Variants in SPAG16 observed in about 807,000 individuals in gnomAD.
SPAG16 encodes sperm associated antigen 16.
A neutral mutation model predicts 80.4 loss-of-function variants in SPAG16; 86 were observed. The ratio of observed to expected loss-of-function variants is 1.07; its 90% confidence interval spans 0.90 to 1.28. The LOEUF (loss-of-function observed/expected upper bound fraction) is 1.28. Among genes scored for constraint, SPAG16 ranks in the 50% most tolerant of loss-of-function variants. The pLI is 0.00. For missense variants in SPAG16, 870 were observed against 765.3 expected (o/e 1.14, Z -1.61); for synonymous variants, 294 against 265.9 (o/e 1.11, Z -1.03).
intron 10 of SPAG16, among the ~76,000 whole-genome samples, chr2:213,833,806 C>T (rs2073932978): frequency 6.7e-6 from 1 of 150,026 alleles, no homozygotes; most frequent in South Asian, 2.1e-4. Flanking sequence ...TCCTCTGTCT[C>T]TTCATAGTAA....
chr2:213,402,854 C>G (rs1038584072), intron 9 of SPAG16, among the ~76,000 whole-genome samples: 1 of 152,156 alleles, frequency 6.6e-6, no homozygotes, highest in East Asian at 1.9e-4. Flanking sequence ...GGTTCCAAGT[C>G]TTTGCTATTG....
At position 214,107,397 on chromosome 2, in the gene SPAG16, C is replaced by G. The variant is rs564035192; in HGVS notation, c.1528-799C>G. On this transcript the variant is annotated intron_variant, in intron 13 of 15. Transcript: ENST00000331683. ...TTTCCAAGCACATAGCAAGACTCTC[C>G]AAGCAATAGTCCACATATGACTTTC... 3.3e-5 allele frequency among the ~76,000 whole-genome samples: 5 copies of G among 152,238 alleles called. No homozygotes were observed. In the South Asian group the frequency reaches 1.0e-3, roughly 32 times the overall value.
At chr2:213,467,122 G>A (rs1173325054) in intron 9 of SPAG16, among the ~76,000 whole-genome samples, 1 of 152,132 alleles carries the variant, frequency 6.6e-6, no homozygotes, top group African/African-American at 2.4e-5. Flanking sequence ...TCCCAATATT[G>A]GGGTATTACA....
At chr2:213,921,864 C>T (rs2078239439) in intron 11 of SPAG16, among the ~76,000 whole-genome samples, 1 of 152,174 alleles carries the variant, frequency 6.6e-6, no homozygotes, top group Admixed American at 6.5e-5. Flanking sequence ...CACTCAATGT[C>T]TTCTGGCTTG....
At chr2:213,302,416 G>C (rs2062773135) in intron 3 of SPAG16, 1 of 152,088 alleles carries the variant, frequency 6.6e-6, no homozygotes, top group Non-Finnish European at 1.5e-5. Flanking sequence ...ATCAAAATTT[G>C]TAACAAAAGA....
chr2:213,782,173 G>C (rs12476541), intron 10 of SPAG16, among the ~76,000 whole-genome samples: 37,633 of 145,494 alleles, frequency 0.26, 5,402 homozygotes, highest in South Asian at 0.38. Flanking sequence ...AACTGTAATA[G>C]TCTTCAGTTT....
chr2:213,683,814 T>C (rs1455052550), intron 10 of SPAG16, among the ~76,000 whole-genome samples: 1 of 152,232 alleles, frequency 6.6e-6, no homozygotes, highest in Admixed American at 6.5e-5. Flanking sequence ...ACTAGGCCAG[T>C]GTACTATAAT....
At chr2:213,520,027 G>GCACA (rs113666242) in intron 10 of SPAG16, among the ~76,000 whole-genome samples, 47 of 150,864 alleles carry the variant, frequency 3.1e-4, no homozygotes, top group African/African-American at 1.1e-3. Context: ...GCATGTGCGT[G>GCACA]CACACACACA....
At chr2:214,314,839 C>G (rs984623670) in intron 15 of SPAG16, among the ~76,000 whole-genome samples, 1 of 151,912 alleles carries the variant, frequency 6.6e-6, no homozygotes, top group East Asian at 1.9e-4. Flanking sequence ...TTTAAAAACA[C>G]TACAAGAGTA....
chr2:214,352,961 A>G (rs1698522791), intron 15 of SPAG16, among the ~76,000 whole-genome samples: 1 of 152,104 alleles, frequency 6.6e-6, no homozygotes, highest in Admixed American at 6.5e-5. Flanking sequence ...TGGGTTCTAG[A>G]CATAAATGGG....
chr2:213,867,176 T>C (rs1404809215), intron 11 of SPAG16, among the ~76,000 whole-genome samples: 2 of 152,352 alleles, frequency 1.3e-5, no homozygotes, highest in African/African-American at 4.8e-5. Flanking sequence ...ATTACATATT[T>C]ACCACTAGAT....
chr2:214,023,734 A>G (rs1270267774), intron 13 of SPAG16, among the ~76,000 whole-genome samples: 2 of 151,800 alleles, frequency 1.3e-5, no homozygotes, highest in Admixed American at 1.3e-4. Flanking sequence ...TACTTTCCAT[A>G]TAAAACCTTT....
intron 15 of SPAG16, among the ~76,000 whole-genome samples, chr2:214,215,947 A>G (rs539250661): frequency 2.2e-4 from 34 of 152,314 alleles, no homozygotes; most frequent in African/African-American, 8.2e-4. Context: ...ATCAAAATAG[A>G]GTATGTGAGT....
chr2:213,577,429 T>A (rs1359213613), intron 10 of SPAG16, among the ~76,000 whole-genome samples: 1 of 152,138 alleles, frequency 6.6e-6, no homozygotes, highest in Non-Finnish European at 1.5e-5. Flanking sequence ...CTGCTCTTGC[T>A]CAGGTAAGGC....
intron 15 of SPAG16, among the ~76,000 whole-genome samples, chr2:214,307,090 G>C (rs1694970036): frequency 6.6e-6 from 1 of 151,962 alleles, no homozygotes. Flanking sequence ...CAGGGATTCA[G>C]TTTCTTCCTG....
chr2:213,507,806 C>G (rs113940091), intron 10 of SPAG16, among the ~76,000 whole-genome samples: 107 of 152,346 alleles, frequency 7.0e-4, no homozygotes, highest in Middle Eastern at 3.4e-3. Flanking sequence ...TTCTTAGGTG[C>G]TCACCTGTGT....
chr2:214,283,185 C>T (rs1431513034), intron 15 of SPAG16, among the ~76,000 whole-genome samples: 1 of 152,202 alleles, frequency 6.6e-6, no homozygotes, highest in East Asian at 1.9e-4. Flanking sequence ...CACAGGTTTA[C>T]TGCCTGAGTA....
At chr2:213,464,717 C>G (rs1043922014) in intron 9 of SPAG16, among the ~76,000 whole-genome samples, 1 of 152,194 alleles carries the variant, frequency 6.6e-6, no homozygotes, top group African/African-American at 2.4e-5. Context: ...TTAAGGCAAG[C>G]CTCACAAGCA....
intron 10 of SPAG16, among the ~76,000 whole-genome samples, chr2:213,538,594 A>G (rs2076325635): frequency 6.6e-6 from 1 of 152,138 alleles, no homozygotes; most frequent in Admixed American, 6.5e-5. Context: ...CACTTTTTAA[A>G]ACAATGTGGA....
Sources: gnomAD v4.1 joint callset for allele counts (sites outside exome capture counted in the v4.1 genomes callset) on GRCh38, gnomAD v4.1.1 for gene constraint, MANE v1.5 for transcripts, NCBI Gene and HGNC (gene_info 2026-07-23, HGNC 2026-07-21) for gene names.